CUBN: variants seen among roughly 807,000 people sequenced by gnomAD.
CUBN encodes cubilin, also known as 460 kDa receptor.
CUBN carries 282 observed loss-of-function variants against 405.3 expected under a neutral mutation model. The ratio of observed to expected loss-of-function variants is 0.70; its 90% CI spans 0.63 to 0.77. The LOEUF (loss-of-function observed/expected upper bound fraction) is 0.77, where lower values mean the gene tolerates loss of function less well. Among genes scored for constraint, CUBN ranks in the 30% least tolerant of loss-of-function variants. The pLI is 0.00. For synonymous variants in CUBN, 1,684 were observed against 1,617.0 expected (o/e 1.04, Z -0.99); for missense variants, 4,514 against 4,475.2 (o/e 1.01, Z -0.25).
At chr10:17,016,020 G>T (rs561270231) in intron 28 of CUBN, among the ~76,000 whole-genome samples, 1 of 152,144 alleles carries the variant, frequency 6.6e-6, no homozygotes. Flanking sequence ...AATGCCTCCA[G>T]ATTTTGTTCA....
At position 17,112,097 on chromosome 10, in the gene CUBN, T is replaced by C. The variant is rs569990720; in HGVS notation, c.884-1047A>G. ...ATGAGATTTAAGAATTTTACTTTAGTGGTTCCCATTGTATTCAATGGTTGT... is the reference window on the plus strand; with the variant it reads ...ATGAGATTTAAGAATTTTACTTTAGCGGTTCCCATTGTATTCAATGGTTGT... On this transcript the variant is annotated intron_variant, in intron 8 of 66. Coordinates refer to ENST00000377833, the MANE Select transcript of CUBN (RefSeq NM_001081.4). Among the ~76,000 whole-genome samples, 35 of 152,326 alleles carry C rather than the reference T, an allele frequency of 2.3e-4. No homozygotes were observed. In the South Asian group the frequency reaches 5.8e-3, roughly 25 times the overall value.
chr10:16,847,871 A>C (rs907450757), intron 60 of CUBN, among the ~76,000 whole-genome samples: 39 of 151,340 alleles, frequency 2.6e-4, no homozygotes, highest in Admixed American at 2.2e-3. Context: ...CTTTTCTAAA[A>C]AGTGATTTGA....
rs1420644950 is a variant in CUBN at position 16,900,715 on chromosome 10, A to G, written c.8320T>C (p.Ser2774Pro). ...CGNSNPRTIQ[S>P]GSNQLVVTFN... ...GTCACGACCAGCTGATTGGAACCTG[A>G]CTGTATTGTCCTGGGGTTTGAATTT... The change falls in exon 53 of 67, where the codon TCA becomes CCA. Residue 2774 changes from serine (S) to proline (P), a missense_variant. Coordinates refer to ENST00000377833, the MANE Select transcript of CUBN (RefSeq NM_001081.4). 5 of 1,614,156 alleles carry G rather than the reference A, an allele frequency of 3.1e-6. No individual in the cohort carries two copies. Among genetic ancestry groups the G allele is most frequent in the Non-Finnish European group, 4.2e-6 (5 of 1,180,016 alleles).
intron 28 of CUBN, among the ~76,000 whole-genome samples, chr10:17,000,957 T>C (rs1564471417): frequency 2.0e-5 from 3 of 152,238 alleles, no homozygotes; most frequent in Non-Finnish European, 4.4e-5. Context: ...ACAGTGAGTG[T>C]TACAGTTCTT....
At chr10:17,065,804 G>A (rs555711076) in intron 21 of CUBN, among the ~76,000 whole-genome samples, 166 bp from the exon 22 acceptor site, 6 of 152,122 alleles carry the variant, frequency 3.9e-5, no homozygotes, top group Non-Finnish European at 5.9e-5. Context: ...GCAAACTTAC[G>A]AAAGATTGTC....
intron 59 of CUBN, 71 bp from the exon 60 acceptor site, chr10:16,851,514 TA>T (rs1839684976): frequency 6.6e-6 from 9 of 1,354,336 alleles, no homozygotes; most frequent in Non-Finnish European, 9.5e-6. Flanking sequence ...GGAGGGTTTT[TA>T]AAAAGAACAT....
chr10:17,117,148 C>T (rs74117709), intron 6 of CUBN, among the ~76,000 whole-genome samples: 4 of 151,474 alleles, frequency 2.6e-5, no homozygotes, highest in Admixed American at 6.6e-5. Flanking sequence ...TTATATTCCC[C>T]GCATCTCTCT....
chr10:17,032,449 G>A (rs1834806077), intron 27 of CUBN, among the ~76,000 whole-genome samples: 1 of 152,126 alleles, frequency 6.6e-6, no homozygotes, highest in South Asian at 2.1e-4. Flanking sequence ...ATCACTTCAT[G>A]TAGTGATGAC....
chr10:16,830,321 A>G (rs1412427723), intron 65 of CUBN, among the ~76,000 whole-genome samples: 2 of 152,168 alleles, frequency 1.3e-5, no homozygotes, highest in Admixed American at 6.5e-5. Context: ...ATTACCCACG[A>G]TTATCTTTAT....
chr10:16,849,633 C>G (rs969491529), intron 60 of CUBN, among the ~76,000 whole-genome samples: 7 of 152,154 alleles, frequency 4.6e-5, no homozygotes, highest in Non-Finnish European at 8.8e-5. Context: ...CCTTCCTTTT[C>G]TTTTAAAATT....
At chr10:16,906,133 C>G (rs772301142) in intron 50 of CUBN, 70 bp downstream of exon 50, 5 of 1,254,942 alleles carry the variant, frequency 4.0e-6, no homozygotes, top group Non-Finnish European at 5.8e-6. Context: ...ACAACAGCAG[C>G]GACAACAACA....
chr10:17,061,781 C>A (rs753488274), intron 22 of CUBN, among the ~76,000 whole-genome samples: 1 of 152,140 alleles, frequency 6.6e-6, no homozygotes, highest in Non-Finnish European at 1.5e-5. Context: ...TATGAAAAAT[C>A]CACCACAGTT....
In CUBN at chr10:17,123,670, C is replaced by T; in HGVS notation, c.407G>A (p.Cys136Tyr). The T allele has an allele frequency of 1.9e-6, 3 of 1,613,814 alleles. No individual in the cohort carries two copies. Among genetic ancestry groups the T allele is most frequent in the Non-Finnish European group, 2.5e-6 (3 of 1,179,848 alleles). The change falls in exon 5 of 67, where the codon TGC becomes TAC. Residue 136 changes from cysteine (C) to tyrosine (Y), a missense_variant. Physicochemically the swap from Cys to Tyr is radical, Grantham distance 194. This residue lies in a region of CUBN where 1,448 missense variants were observed against 1,388.0 expected (regional missense o/e 1.04). Coordinates refer to ENST00000377833, the MANE Select transcript of CUBN (RefSeq NM_001081.4). ...ACCATTCTGGCAAGGATTGCTGCTGCAAACCTTTTTGTCAACAGTCTGAAA... is the reference window on the plus strand; with the variant it reads ...ACCATTCTGGCAAGGATTGCTGCTGTAAACCTTTTTGTCAACAGTCTGAAA... ...GLQQTVDKKV[C>Y]SSNPCQNGGT...
At chr10:17,083,062 A>T (rs1836007468) in intron 17 of CUBN, among the ~76,000 whole-genome samples, 1 of 152,042 alleles carries the variant, frequency 6.6e-6, no homozygotes, top group Non-Finnish European at 1.5e-5. Flanking sequence ...TAAAAAAAAA[A>T]GGGTTAATAA....
intron 27 of CUBN, among the ~76,000 whole-genome samples, chr10:17,035,111 T>C (rs1004916753): frequency 4.0e-5 from 6 of 149,188 alleles, no homozygotes; most frequent in East Asian, 2.0e-4. Context: ...GAAAACGCAA[T>C]TGAAAAAGGA....
At chr10:17,054,058 C>T (rs80166169) in intron 22 of CUBN, among the ~76,000 whole-genome samples, 5,026 of 151,966 alleles carry the variant, frequency 0.033, 248 homozygotes, top group East Asian at 0.19. Context: ...GGTGGCTGGG[C>T]GCAGTGGCTC....
intron 14 of CUBN, among the ~76,000 whole-genome samples, chr10:17,096,133 G>C (rs192769858): frequency 1.3e-4 from 20 of 152,160 alleles, no homozygotes; most frequent in African/African-American, 4.8e-4. Flanking sequence ...GGAGCTGAGA[G>C]GTGGGGGCAA....
intron 59 of CUBN, among the ~76,000 whole-genome samples, chr10:16,868,116 A>C (rs993263503): frequency 4.6e-5 from 7 of 152,118 alleles, no homozygotes; most frequent in African/African-American, 1.7e-4. Flanking sequence ...ATGCTACTTC[A>C]CCTACACAAT....
At chr10:16,961,177 TC>T (rs35242049) in intron 31 of CUBN, among the ~76,000 whole-genome samples, 21,155 of 152,146 alleles carry the variant, frequency 0.14, 1,745 homozygotes, top group Non-Finnish European at 0.19. Flanking sequence ...GCTCAAGGGA[TC>T]CTCCCACCTC....
Sources: allele counts gnomAD v4.1 joint callset (sites outside exome capture counted in the v4.1 genomes callset), GRCh38; gene constraint gnomAD v4.1.1; regional missense constraint gnomAD v4.1.1; transcripts MANE v1.5; gene names NCBI Gene and HGNC (gene_info 2026-07-23, HGNC 2026-07-21).